The following DPP10 variants were observed in gnomAD, a reference collection of about 807,000 sequenced individuals.
DPP10 encodes the protein inactive dipeptidyl peptidase 10.
A neutral mutation model predicts 120.9 loss-of-function variants in DPP10; 33 were observed. That is an observed-to-expected ratio of 0.27 (90% CI 0.21 to 0.37). The LOEUF (loss-of-function observed/expected upper bound fraction) is 0.37. Ranked by LOEUF, DPP10 falls within the 10% of genes least tolerant of loss-of-function variation. The probability of loss-of-function intolerance (pLI) is 1.00; values close to 1 mark genes in which losing one functional copy is unlikely to be tolerated. For missense variants in DPP10, 816 were observed against 942.8 expected, an observed-to-expected ratio of 0.87 and a Z score of 1.76; for synonymous variants, 337 against 326.1, an observed-to-expected ratio of 1.03 and a Z score of -0.36.
chr2:115,523,655 A>C (rs893730436), intron 4 of DPP10, among the ~76,000 whole-genome samples: 6 of 152,060 alleles, frequency 3.9e-5, no homozygotes, highest in African/African-American at 1.4e-4. Flanking sequence ...TCCTGATACT[A>C]TAATGTTGGA....
intron 1 of DPP10, among the ~76,000 whole-genome samples, chr2:115,102,436 G>A (rs983685156): frequency 6.6e-6 from 1 of 151,642 alleles, no homozygotes; most frequent in African/African-American, 2.4e-5. Flanking sequence ...TTTGAGATAG[G>A]GTCTCACTCT....
At chr2:115,391,888 A>G (rs1364119320) in intron 3 of DPP10, among the ~76,000 whole-genome samples, 2 of 152,098 alleles carry the variant, frequency 1.3e-5, no homozygotes, top group Non-Finnish European at 2.9e-5. Context: ...CAGTGTAAGT[A>G]GATCTTGGGG....
intron 1 of DPP10, among the ~76,000 whole-genome samples, chr2:115,100,932 A>G (rs1378204232): frequency 2.0e-5 from 3 of 152,198 alleles, no homozygotes; most frequent in African/African-American, 7.2e-5. Context: ...CACCAAATGG[A>G]AAACTGCATC....
chr2:115,580,240 C>T lies in DPP10; in HGVS notation c.441+54268C>T, dbSNP rs183023427. The T allele has an allele frequency of 4.2e-3, 643 of 152,222 alleles. 4 individuals carry two copies. Among genetic ancestry groups the T allele is most frequent in the African/African-American group, 0.015 (610 of 41,528 alleles). The allele number at this position is 152,222 out of a possible 1,614,324, so 9.4% of individuals were successfully genotyped here. A position where few individuals can be genotyped will look rare whatever the true frequency, so the allele number is the denominator to read the frequency against. On this transcript the variant is annotated intron_variant, in intron 5 of 25. Transcript: ENST00000410059. The stretch of plus-strand genomic sequence containing the variant: ...TGGGGGAAGTATTGGTACTTTGTCC[C>T]AGCAAATAAAAATAATAAATGAAAA...
chr2:114,483,078 C>T (rs1681203825), intron 1 of DPP10, among the ~76,000 whole-genome samples: 1 of 152,088 alleles, frequency 6.6e-6, no homozygotes, highest in African/African-American at 2.4e-5. Context: ...GTTTAGTAAA[C>T]GTGACCCAGG....
intron 1 of DPP10, among the ~76,000 whole-genome samples, chr2:114,697,706 C>T (rs1445939948): frequency 4.1e-5 from 6 of 145,492 alleles, no homozygotes; most frequent in African/African-American, 1.5e-4. Flanking sequence ...GCTGAGATCG[C>T]GCAACTGCAC....
intron 2 of DPP10, chr2:115,342,088 A>G (rs543774686): frequency 4.5e-6 from 2 of 448,428 alleles, no homozygotes; most frequent in Non-Finnish European, 9.0e-6. Context: ...TGGTCATTTT[A>G]TGTTTAAGTG....
At position 114,462,182 on chromosome 2, in the gene DPP10, T is replaced by C. The variant is rs914172687; in HGVS notation, c.60+19344T>C. ...AAAAATACACATTAAAGTCTTAGAA[T>C]AGTTTGATATTTACCGACAAGTTGC... On this transcript the variant is annotated intron_variant, in intron 1 of 25. Transcript: ENST00000410059. The C allele has an allele frequency of 2.8e-5, 28 of 982,802 alleles. No homozygotes were observed. The African/African-American group carries it at 4.9e-4, about 17-fold the overall frequency. 60.9% of individuals were successfully genotyped at this position (982,802 alleles called of 1,614,324 possible). A position where few individuals can be genotyped will look rare whatever the true frequency, so the allele number is the denominator to read the frequency against.
intron 1 of DPP10, among the ~76,000 whole-genome samples, chr2:114,756,722 A>T (rs1679783400): frequency 6.6e-6 from 1 of 152,146 alleles, no homozygotes; most frequent in South Asian, 2.1e-4. Flanking sequence ...ATAGGACCTC[A>T]GTCTTCATAA....
At chr2:115,500,522 A>G (rs1023448281) in intron 4 of DPP10, among the ~76,000 whole-genome samples, 6 of 151,948 alleles carry the variant, frequency 3.9e-5, no homozygotes, top group African/African-American at 9.7e-5. Context: ...AAAATGGACT[A>G]AGAATATTCT....
At chr2:115,226,656 T>C (rs993616309) in intron 1 of DPP10, among the ~76,000 whole-genome samples, 3 of 152,216 alleles carry the variant, frequency 2.0e-5, no homozygotes, top group Admixed American at 6.5e-5. Context: ...TATTGAGCAC[T>C]TCTATGTATA....
At chr2:114,678,966 C>A (rs1003472416) in intron 1 of DPP10, among the ~76,000 whole-genome samples, 2 of 152,034 alleles carry the variant, frequency 1.3e-5, no homozygotes, top group East Asian at 3.9e-4. Context: ...CTTTTCTCAG[C>A]AGGTTGTTTC....
intron 5 of DPP10, among the ~76,000 whole-genome samples, chr2:115,596,137 G>C (rs1201571564): frequency 6.6e-6 from 1 of 152,084 alleles, no homozygotes; most frequent in Non-Finnish European, 1.5e-5. Flanking sequence ...TCTAATAGTT[G>C]TAAAACAGGC....
chr2:114,861,832 C>T (rs1015417712), intron 1 of DPP10, among the ~76,000 whole-genome samples: 2 of 151,940 alleles, frequency 1.3e-5, no homozygotes, highest in African/African-American at 4.8e-5. Flanking sequence ...CCTTAATGGC[C>T]AACTTTCTGT....
At chr2:115,173,525 A>G (rs1035140620) in intron 1 of DPP10, among the ~76,000 whole-genome samples, 1 of 152,354 alleles carries the variant, frequency 6.6e-6, no homozygotes, top group Middle Eastern at 3.4e-3. Context: ...AGCAGATACC[A>G]TAACTCGTTC....
At chr2:115,598,426 A>T (rs1558904609) in intron 5 of DPP10, among the ~76,000 whole-genome samples, 1 of 151,758 alleles carries the variant, frequency 6.6e-6, no homozygotes, top group East Asian at 1.9e-4. Flanking sequence ...TTATTTCTTT[A>T]CTAGCTTTTT....
At chr2:115,770,067 A>G (rs1292478532) in intron 13 of DPP10, among the ~76,000 whole-genome samples, 4 of 152,098 alleles carry the variant, frequency 2.6e-5, no homozygotes, top group East Asian at 1.9e-4. Context: ...AAAGAAGACA[A>G]TCTATCCTTG....
At chr2:115,058,124 C>T (rs2105375421) in intron 1 of DPP10, among the ~76,000 whole-genome samples, 1 of 152,298 alleles carries the variant, frequency 6.6e-6, no homozygotes, top group Admixed American at 6.5e-5. Flanking sequence ...CAACCTGCCA[C>T]AAGAACTAAC....
At chr2:114,488,874 A>G (rs1681744030) in intron 1 of DPP10, among the ~76,000 whole-genome samples, 1 of 152,144 alleles carries the variant, frequency 6.6e-6, no homozygotes, top group Non-Finnish European at 1.5e-5. Context: ...ATCAGATGGT[A>G]AAGCTTGATA....
Sources: gnomAD v4.1 joint callset for allele counts (sites outside exome capture counted in the v4.1 genomes callset) on GRCh38, gnomAD v4.1.1 for gene constraint, MANE v1.5 for transcripts, NCBI Gene and HGNC (gene_info 2026-07-23, HGNC 2026-07-21) for gene names.